KALRN: variants seen among roughly 807,000 people sequenced by gnomAD.
KALRN encodes kalirin.
A neutral mutation model predicts 353.7 loss-of-function variants in KALRN; 70 were observed. The observed-to-expected ratio is 0.20, with a 90% CI of 0.16 to 0.24. The LOEUF (loss-of-function observed/expected upper bound fraction) is 0.24. KALRN is among the 10% of genes least tolerant of loss of function. The pLI is 1.00. For synonymous variants in KALRN, 1,391 were observed against 1,434.8 expected, an observed-to-expected ratio of 0.97 and a Z score of 0.69; for missense variants, 2,791 against 3,756.7, an observed-to-expected ratio of 0.74 and a Z score of 6.72.
At chr3:124,392,265 T>C (rs1286025528) in intron 11 of KALRN, among the ~76,000 whole-genome samples, 2 of 152,172 alleles carry the variant, frequency 1.3e-5, no homozygotes, top group African/African-American at 4.8e-5. Flanking sequence ...GGTCTTACCA[T>C]GTTGTCTAAG....
chr3:124,482,656 A>C (rs2062105821), intron 27 of KALRN, 152 bp from the exon 28 acceptor site: 5 of 512,324 alleles, frequency 9.8e-6, no homozygotes, highest in South Asian at 3.2e-5. Context: ...TTCTCTTTTT[A>C]CTCCCCTCTC....
chr3:124,236,459 A>G (rs2079780701), intron 3 of KALRN, among the ~76,000 whole-genome samples: 1 of 152,244 alleles, frequency 6.6e-6, no homozygotes, highest in South Asian at 2.1e-4. Context: ...GCATAAAACC[A>G]GGAATTTTCT....
chr3:124,317,916 G>A (rs2078968456), intron 6 of KALRN, among the ~76,000 whole-genome samples: 1 of 151,938 alleles, frequency 6.6e-6, no homozygotes, highest in African/African-American at 2.4e-5. Flanking sequence ...GATTCCAGCT[G>A]TACCCATCAT....
At chr3:124,450,162 C>G (rs547303647) in intron 21 of KALRN, among the ~76,000 whole-genome samples, 27 of 152,238 alleles carry the variant, frequency 1.8e-4, no homozygotes, top group Admixed American at 3.3e-4. Context: ...GTACTCTCAC[C>G]AGCAGTTTGT....
At chr3:124,491,224 G>C in intron 30 of KALRN, 99 bp from the exon 31 acceptor site, 1 of 699,354 alleles carries the variant, frequency 1.4e-6, no homozygotes. Context: ...CCCCTCCCTC[G>C]GTCCTCTCCT....
At chr3:124,551,763 A>G (rs1346359346) in intron 33 of KALRN, among the ~76,000 whole-genome samples, 2 of 152,226 alleles carry the variant, frequency 1.3e-5, no homozygotes, top group African/African-American at 4.8e-5. Context: ...CACATTCAGC[A>G]TGCATACACG....
At chr3:124,070,937 T>C (rs1213924456) in intron 1 of KALRN, among the ~76,000 whole-genome samples, 1 of 152,238 alleles carries the variant, frequency 6.6e-6, no homozygotes, top group Non-Finnish European at 1.5e-5. Flanking sequence ...ATTTGTATGA[T>C]TGAAATTGCC....
chr3:124,201,363 G>A (rs2075925998), intron 1 of KALRN, among the ~76,000 whole-genome samples: 1 of 152,190 alleles, frequency 6.6e-6, no homozygotes, highest in African/African-American at 2.4e-5. Flanking sequence ...CATGGTGCAG[G>A]CCATCCCTTC....
At chr3:124,215,367 G>T (rs1237267953) in intron 1 of KALRN, among the ~76,000 whole-genome samples, 1 of 152,190 alleles carries the variant, frequency 6.6e-6, no homozygotes. Flanking sequence ...TATGCAGTGG[G>T]AAGCTGGGGA....
intron 57 of KALRN, among the ~76,000 whole-genome samples, chr3:124,704,645 T>C (rs2062509378): frequency 6.6e-6 from 1 of 152,164 alleles, no homozygotes; most frequent in Non-Finnish European, 1.5e-5. Flanking sequence ...CCTTCCAGGC[T>C]CAAGTGATCC....
intron 41 of KALRN, 33 bp from the exon 42 acceptor site, chr3:124,658,398 T>C (rs1338456194): frequency 2.0e-6 from 3 of 1,522,464 alleles, no homozygotes; most frequent in Non-Finnish European, 2.7e-6. Context: ...ACAAGATGCC[T>C]GACTGTCCAC....
chr3:124,468,492 A>AAC (rs1026842826), intron 25 of KALRN, among the ~76,000 whole-genome samples: 5 of 152,058 alleles, frequency 3.3e-5, no homozygotes, highest in Non-Finnish European at 7.4e-5. Flanking sequence ...ACCCCTTCCC[A>AAC]ACACACACAC....
intron 1 of KALRN, among the ~76,000 whole-genome samples, chr3:124,041,658 A>T (rs1460621941): frequency 6.6e-6 from 1 of 152,120 alleles, no homozygotes; most frequent in Non-Finnish European, 1.5e-5. Context: ...CTTGCTTCTT[A>T]CTTCTGCTGA....
chr3:124,694,310 A>AT (rs2061958246), intron 52 of KALRN, 22 bp from the exon 53 acceptor site: 2 of 1,609,170 alleles, frequency 1.2e-6, no homozygotes, highest in Admixed American at 3.3e-5. Context: ...AATGATGTTA[A>AT]TGTATGTTGA....
intron 28 of KALRN, among the ~76,000 whole-genome samples, chr3:124,487,771 T>A (rs1338276565): frequency 6.6e-6 from 1 of 152,226 alleles, no homozygotes; most frequent in Non-Finnish European, 1.5e-5. Flanking sequence ...GCAGTAAGCA[T>A]GCAGGGATAT....
intron 10 of KALRN, among the ~76,000 whole-genome samples, chr3:124,379,447 A>C (rs2087023175): frequency 6.6e-6 from 1 of 152,126 alleles, no homozygotes; most frequent in Non-Finnish European, 1.5e-5. Flanking sequence ...TTACCTTGTC[A>C]GTTGTGGATA....
At chr3:124,417,460 GTTGTTT>G (rs752182061) in intron 14 of KALRN, among the ~76,000 whole-genome samples, 1 of 152,146 alleles carries the variant, frequency 6.6e-6, no homozygotes, top group Non-Finnish European at 1.5e-5. Context: ...CTATGGATAT[GTTGTTT>G]TTGTGATTTA....
intron 44 of KALRN, among the ~76,000 whole-genome samples, chr3:124,661,585 A>G (rs568421286): frequency 6.6e-6 from 1 of 152,346 alleles, no homozygotes; most frequent in Admixed American, 6.5e-5. Flanking sequence ...GAACAAAAAC[A>G]GGAAGGTAGG....
intron 1 of KALRN, among the ~76,000 whole-genome samples, chr3:124,169,742 G>A (rs2071451544): frequency 6.6e-6 from 1 of 152,150 alleles, no homozygotes; most frequent in Non-Finnish European, 1.5e-5. Context: ...CACAGGGAAG[G>A]AGTTATTATC....
Sources: gnomAD v4.1 joint callset for allele counts (sites outside exome capture counted in the v4.1 genomes callset) on GRCh38, gnomAD v4.1.1 for gene constraint, MANE v1.5 for transcripts, NCBI Gene and HGNC (gene_info 2026-07-23, HGNC 2026-07-21) for gene names.